ZNF236: variants seen among roughly 807,000 people sequenced by gnomAD.
ZNF236 encodes the protein regulated by glucose.
A neutral mutation model predicts 191.2 loss-of-function variants in ZNF236; 50 were observed. That is an observed-to-expected ratio of 0.26 (90% CI 0.21 to 0.33). ZNF236 has a LOEUF of 0.33. Among genes scored for constraint, ZNF236 ranks in the 10% least tolerant of loss-of-function variants. The pLI is 1.00. For missense variants in ZNF236, 1,754 were observed against 2,374.5 expected, an observed-to-expected ratio of 0.74 and a Z score of 5.43; for synonymous variants, 907 against 928.8, an observed-to-expected ratio of 0.98 and a Z score of 0.43.
chr18:76,856,637 T>C (rs1976048775), intron 3 of ZNF236, among the ~76,000 whole-genome samples: 1 of 152,108 alleles, frequency 6.6e-6, no homozygotes, highest in African/African-American at 2.4e-5. Context: ...ATTTTTATTT[T>C]AATTAAGTAA....
At chr18:76,895,423 C>A in intron 10 of ZNF236, 138 bp downstream of exon 10, 1 of 1,196,342 alleles carries the variant, frequency 8.4e-7, no homozygotes, top group Non-Finnish European at 1.2e-6. Flanking sequence ...AGGGACTGCA[C>A]AAAGTATCAC....
At chr18:76,945,987 CCA>C (rs1003158729) in intron 26 of ZNF236, among the ~76,000 whole-genome samples, 15 of 150,134 alleles carry the variant, frequency 1.0e-4, no homozygotes, top group Admixed American at 8.6e-4. Flanking sequence ...TTGCCACCTG[CCA>C]CTCTTTCCCT....
intron 13 of ZNF236, among the ~76,000 whole-genome samples, chr18:76,906,407 GTGTT>G (rs1190059253): frequency 6.6e-6 from 1 of 152,174 alleles, no homozygotes; most frequent in Non-Finnish European, 1.5e-5. Flanking sequence ...GGCACTGCAT[GTGTT>G]TGGGAACTGG....
At chr18:76,857,959 A>G (rs1976093972) in intron 3 of ZNF236, among the ~76,000 whole-genome samples, 1 of 152,192 alleles carries the variant, frequency 6.6e-6, no homozygotes, top group Non-Finnish European at 1.5e-5. Context: ...GATTCAGTAC[A>G]CTTTTTACGT....
intron 18 of ZNF236, 132 bp from the exon 19 acceptor site, chr18:76,915,515 C>T: frequency 2.6e-6 from 2 of 783,138 alleles, no homozygotes; most frequent in Admixed American, 2.8e-5. Context: ...TTTTTTTTAA[C>T]CAAAGTCTGT....
chr18:76,869,386 A>T (rs1976517259), intron 4 of ZNF236, among the ~76,000 whole-genome samples: 1 of 152,236 alleles, frequency 6.6e-6, no homozygotes, highest in African/African-American at 2.4e-5. Context: ...CTTATAAGTC[A>T]GGAGTTTGAA....
At chr18:76,862,497 TG>T (rs1976270845) in intron 3 of ZNF236, among the ~76,000 whole-genome samples, 1 of 152,106 alleles carries the variant, frequency 6.6e-6, no homozygotes, top group East Asian at 1.9e-4. Context: ...GGGATTCTCC[TG>T]GCAGAGGGAG....
Position 76,925,593 on chromosome 18 carries a change from T to C in ZNF236, c.4027+39T>C, listed in dbSNP as rs2122830803. The C allele has an allele frequency of 3.1e-6, 5 of 1,596,048 alleles. No homozygotes were observed. The highest frequency in any genetic ancestry group is 1.7e-4 in the Middle Eastern group (1 of 6,026). On this transcript the variant is annotated intron_variant, in intron 22 of 30. Transcript: ENST00000320610. This position sits in a 1 kb window ranked among gnomAD's most constrained non-coding sequence, Gnocchi z 5.7. ...CGAGGGAATGAGAGCAGCACAGTGA[T>C]TGAACTGTTCTGTGCTGCTTCTGTC...
intron 17 of ZNF236, among the ~76,000 whole-genome samples, chr18:76,913,488 G>T (rs1298562873): frequency 6.6e-6 from 1 of 152,168 alleles, no homozygotes; most frequent in African/African-American, 2.4e-5. Context: ...GGAGTTATAG[G>T]ATTTACTGTT....
At chr18:76,870,086 G>T (rs1427449268) in intron 4 of ZNF236, among the ~76,000 whole-genome samples, 1 of 152,186 alleles carries the variant, frequency 6.6e-6, no homozygotes, top group Non-Finnish European at 1.5e-5. Context: ...AAGAAGTTCC[G>T]TGCCAGTTGA....
chr18:76,854,199 A>T (rs1975973788), intron 3 of ZNF236, among the ~76,000 whole-genome samples: 1 of 152,204 alleles, frequency 6.6e-6, no homozygotes, highest in Non-Finnish European at 1.5e-5. Context: ...CAATTTAAAA[A>T]TCAATTAGTT....
chr18:76,855,607 A>G lies in ZNF236; in HGVS notation c.363+3668A>G, dbSNP rs79805916. Among the ~76,000 whole-genome samples, 747 of 152,368 alleles carry G rather than the reference A, an allele frequency of 4.9e-3. 6 individuals carry two copies. The highest frequency in any genetic ancestry group is 0.017 in the African/African-American group (714 of 41,582). On this transcript the variant is annotated intron_variant, in intron 3 of 30. Transcript: ENST00000320610. ...TATTGTTTAAATGTGTATCATAATTAGGAAGTCACTGCTGTTAGGCATATA... is the reference window on the plus strand; with the variant it reads ...TATTGTTTAAATGTGTATCATAATTGGGAAGTCACTGCTGTTAGGCATATA...
At chr18:76,838,339 C>T (rs2122439420) in intron 1 of ZNF236, among the ~76,000 whole-genome samples, 1 of 152,302 alleles carries the variant, frequency 6.6e-6, no homozygotes, top group African/African-American at 2.4e-5. Flanking sequence ...GAGCTTTTTA[C>T]TGTAGAAAAT....
At chr18:76,923,368 A>G (rs955416628) in intron 21 of ZNF236, among the ~76,000 whole-genome samples, 194 bp downstream of exon 21, 1 of 152,202 alleles carries the variant, frequency 6.6e-6, no homozygotes, top group Non-Finnish European at 1.5e-5. Context: ...CACTAAGAAA[A>G]AAAAGGATTA....
At position 76,927,304 on chromosome 18, in the gene ZNF236, C is replaced by T; in HGVS notation, c.4201C>T (p.Leu1401=). 1 of 1,614,176 alleles carries T rather than the reference C, an allele frequency of 6.2e-7. No homozygotes were observed. The highest frequency in any genetic ancestry group is 1.3e-5 in the African/African-American group (1 of 75,036). ...QIDPSILQQT[L]QQGNLLAQQL... ...TGATCCAAGCATTCTGCAGCAGACG[C>T]TACAGCAGGGCAACCTATTGGCTCA... Residue 1401 remains leucine (L), a synonymous_variant, in exon 24 of 31, where the codon CTA becomes TTA. Coordinates refer to ENST00000320610, the MANE Select transcript of ZNF236 (RefSeq NM_001306089.2). The surrounding 1 kb of genome is among the most constrained non-coding windows in gnomAD (Gnocchi z 5.4).
intron 26 of ZNF236, among the ~76,000 whole-genome samples, chr18:76,940,069 C>T (rs78262047): frequency 1.0e-4 from 13 of 125,924 alleles, no homozygotes; most frequent in African/African-American, 1.5e-4. Context: ...GACCCTAGCA[C>T]TGTGTTTGGG....
At chr18:76,863,527 A>T (rs1161430754) in intron 3 of ZNF236, among the ~76,000 whole-genome samples, 1 of 152,200 alleles carries the variant, frequency 6.6e-6, no homozygotes, top group African/African-American at 2.4e-5. Context: ...AAGCTAAAAG[A>T]AAATAGCACA....
At chr18:76,860,267 G>A (rs773675199) in intron 3 of ZNF236, among the ~76,000 whole-genome samples, 11 of 152,136 alleles carry the variant, frequency 7.2e-5, no homozygotes, top group African/African-American at 2.7e-4. Context: ...GGCCCAACCC[G>A]AGGACGACAT....
At chr18:76,878,733 A>C (rs1976786454) in intron 7 of ZNF236, among the ~76,000 whole-genome samples, 1 of 152,180 alleles carries the variant, frequency 6.6e-6, no homozygotes, top group African/African-American at 2.4e-5. Context: ...CAGATTAATA[A>C]ATGGTAAAAT....
Sources: allele counts gnomAD v4.1 joint callset (sites outside exome capture counted in the v4.1 genomes callset), GRCh38; gene constraint gnomAD v4.1.1; non-coding constraint Gnocchi (gnomAD v3.1); transcripts MANE v1.5; gene names NCBI Gene and HGNC (gene_info 2026-07-23, HGNC 2026-07-21).